PPL: variants seen among roughly 807,000 people sequenced by gnomAD.
The protein encoded by PPL is 190 kDa paraneoplastic pemphigus antigen.
PPL carries 198 observed loss-of-function variants against 194.4 expected under a neutral mutation model. The observed-to-expected ratio is 1.02, with a 90% CI of 0.91 to 1.15. The LOEUF (loss-of-function observed/expected upper bound fraction) is 1.15. Ranked by LOEUF, PPL falls within the 50% of genes most tolerant of loss-of-function variation. The pLI, the probability that PPL is intolerant of heterozygous loss-of-function variation, is 0.00. For synonymous variants in PPL, 1,220 were observed against 972.4 expected (o/e 1.25, Z -4.74); for missense variants, 2,885 against 2,294.8 (o/e 1.26, Z -5.25).
In PPL at chr16:4,892,069, G is replaced by A. The variant is rs759946475; in HGVS notation, c.1795C>T (p.His599Tyr). 1 of 1,613,782 alleles carries A rather than the reference G, an allele frequency of 6.2e-7. No homozygotes were observed. Among genetic ancestry groups the A allele is most frequent in the Non-Finnish European group, 8.5e-7 (1 of 1,179,992 alleles). The change falls in exon 15 of 22, where the codon CAC (histidine) becomes TAC (tyrosine). Residue 599 changes from histidine to tyrosine, a missense_variant. His to Tyr is a moderately conservative substitution (Grantham distance 83). Transcript: ENST00000345988. ...RVEDTNRKYE[H>Y]LLQLLDLAQE... ...GCCAAGTCCAGCAGCTGCAGGAGGTGCTCGTATTTCCGGTTGGTGTCCTCC... is the reference window on the plus strand; with the variant it reads ...GCCAAGTCCAGCAGCTGCAGGAGGTACTCGTATTTCCGGTTGGTGTCCTCC...
In PPL at chr16:4,885,355, C is replaced by G; in HGVS notation, c.3300G>C (p.Arg1100Ser). Reference sequence around the variant, plus strand: ...CGGCCATGGCCCGCTCCTTCTCTAGCCTCTTGAGCTTGTCCTGGAGGAAGC... The same window carrying G: ...CGGCCATGGCCCGCTCCTTCTCTAGGCTCTTGAGCTTGTCCTGGAGGAAGC... ...ELSFLQDKLK[R>S]LEKERAMAEG... The change falls in exon 22 of 22, where the codon AGG (arginine) becomes AGC (serine). Residue 1100 changes from arginine (R) to serine (S), a missense_variant. Coordinates refer to ENST00000345988, the MANE Select transcript of PPL (RefSeq NM_002705.5). This position sits in a 1 kb window ranked among gnomAD's most constrained non-coding sequence, Gnocchi z 6.3. The G allele has an allele frequency of 6.2e-7, 1 of 1,612,952 alleles. No individual in the cohort carries two copies. The highest frequency in any genetic ancestry group is 2.2e-5 in the East Asian group (1 of 44,846).
At chr16:4,918,359 G>A (rs996610296) in intron 1 of PPL, among the ~76,000 whole-genome samples, 2 of 151,898 alleles carry the variant, frequency 1.3e-5, no homozygotes, top group African/African-American at 4.8e-5. Flanking sequence ...CCTGAGTCAG[G>A]TCCTGCCTCT....
At chr16:4,898,955 G>T in intron 8 of PPL, 58 bp downstream of exon 8, 1 of 1,457,686 alleles carries the variant, frequency 6.9e-7, no homozygotes, top group Non-Finnish European at 9.6e-7. Flanking sequence ...GCGGCCCACA[G>T]GCAGCGGCCA....
At chr16:4,921,520 G>C (rs895132738) in intron 1 of PPL, among the ~76,000 whole-genome samples, 1 of 152,186 alleles carries the variant, frequency 6.6e-6, no homozygotes, top group Non-Finnish European at 1.5e-5. Context: ...AGGCTGGAGT[G>C]CAGTGGCATG....
chr16:4,904,127 C>T (rs1017108266), intron 2 of PPL, 87 bp from the exon 3 acceptor site: 11 of 1,391,386 alleles, frequency 7.9e-6, no homozygotes, highest in Non-Finnish European at 1.1e-5. Flanking sequence ...AAGGGGTCAG[C>T]AGGGTGCTCC....
intron 21 of PPL, among the ~76,000 whole-genome samples, chr16:4,886,749 G>T (rs1466660764): frequency 6.6e-6 from 1 of 152,184 alleles, no homozygotes; most frequent in African/African-American, 2.4e-5. Flanking sequence ...CTCCTGAGTA[G>T]CTGGGATTAC....
At chr16:4,904,766 A>G (rs981141721) in intron 2 of PPL, among the ~76,000 whole-genome samples, 2 of 152,084 alleles carry the variant, frequency 1.3e-5, no homozygotes, top group Non-Finnish European at 2.9e-5. Flanking sequence ...CTTAAAGGCG[A>G]TGCCTCCAGG....
chr16:4,884,986 G>T lies in PPL; in HGVS notation c.3669C>A (p.Gly1223=). The stretch of plus-strand genomic sequence containing the variant: ...TCACCTCTTTGACTTCCACCTGGGG[G>T]CCTCGCCTCCTGAGGGCCTCCAGCT... ...QSELEALRRR[G]PQVEVKEVTK... is the part of the protein sequence containing the mutation. Residue 1223 remains glycine (G), a synonymous_variant, in exon 22 of 22, where the codon GGC becomes GGA. Coordinates refer to ENST00000345988, the MANE Select transcript of PPL (RefSeq NM_002705.5). The surrounding 1 kb of genome is among the most constrained non-coding windows in gnomAD (Gnocchi z 5.7). 1 of 1,613,968 alleles carries T rather than the reference G, an allele frequency of 6.2e-7. No homozygotes were observed. The highest frequency in any genetic ancestry group is 8.5e-7 in the Non-Finnish European group (1 of 1,180,036).
chr16:4,920,643 A>G (rs1030176956), intron 1 of PPL, among the ~76,000 whole-genome samples: 25 of 152,058 alleles, frequency 1.6e-4, no homozygotes, highest in African/African-American at 4.8e-4. Flanking sequence ...TTGTATTTTT[A>G]GTAGAGACAG....
At chr16:4,932,411 C>CT (rs59920775) in intron 1 of PPL, among the ~76,000 whole-genome samples, 1,789 of 140,786 alleles carry the variant, frequency 0.013, 28 homozygotes, top group African/African-American at 0.032. Context: ...AGTCATGAAT[C>CT]TTTTTTTTTT....
At chr16:4,891,586 T>G in intron 16 of PPL, 1 of 526,446 alleles carries the variant, frequency 1.9e-6, no homozygotes, top group East Asian at 3.2e-5. Flanking sequence ...CTATTGCAGA[T>G]ATTTGATCTT....
chr16:4,904,497 C>A (rs61253344), intron 2 of PPL, among the ~76,000 whole-genome samples: 5,423 of 152,184 alleles, frequency 0.036, 310 homozygotes, highest in African/African-American at 0.12. Context: ...AACGAGGGGA[C>A]CTACTTCAGC....
In PPL at chr16:4,894,628, G is replaced by A. The variant is rs200358855; in HGVS notation, c.1243-10C>T. On this transcript the variant is annotated splice_polypyrimidine_tract_variant and intron_variant, in intron 11 of 21. Transcript: ENST00000345988. ...CCCGCGAGATCAGGCCCTGGCGGGGGCAGGCTGGACAGTCAGGATCCCGGC... is the reference window on the plus strand; with the variant it reads ...CCCGCGAGATCAGGCCCTGGCGGGGACAGGCTGGACAGTCAGGATCCCGGC... The A allele has an allele frequency of 3.2e-5, 51 of 1,611,366 alleles. 1 individual carries two copies. Among genetic ancestry groups the A allele is most frequent in the Admixed American group, 1.5e-4 (9 of 59,998 alleles).
chr16:4,933,715 T>G (rs1240661686), intron 1 of PPL, among the ~76,000 whole-genome samples: 1 of 152,100 alleles, frequency 6.6e-6, no homozygotes, highest in Non-Finnish European at 1.5e-5. Context: ...CTTAACTCCA[T>G]CTTATCTCTG....
chr16:4,896,639 G>GTTT (rs1387761941), intron 9 of PPL, among the ~76,000 whole-genome samples: 5,027 of 129,624 alleles, frequency 0.039, 344 homozygotes, highest in African/African-American at 0.14. Flanking sequence ...GTACGGGGTT[G>GTTT]TTTTTTTTTT....
rs147945479 is a variant in PPL at position 4,893,572 on chromosome 16, C to T, written c.1461G>A (p.Arg487=). The T allele has an allele frequency of 3.7e-6, 6 of 1,612,214 alleles. No individual in the cohort carries two copies. The highest frequency in any genetic ancestry group is 1.3e-5 in the African/African-American group (1 of 74,936). ...AAGSKRTLQQ[R]YEVLKTENPG... ...GATTCTCGGTCTTCAGCACCTCATA[C>T]CGCTGCTGCAGCGTGCGTTTGCTCC... Residue 487 remains arginine, a synonymous_variant, in exon 13 of 22, where the codon CGG becomes CGA. Transcript: ENST00000345988.
intron 2 of PPL, among the ~76,000 whole-genome samples, chr16:4,906,587 T>C (rs560078961): frequency 2.0e-5 from 3 of 152,332 alleles, no homozygotes; most frequent in African/African-American, 7.2e-5. Flanking sequence ...AGATCAAAGA[T>C]TAATTTTGCA....
chr16:4,888,324 G>A (rs2088252201), intron 19 of PPL, 106 bp from the exon 20 acceptor site: 5 of 757,052 alleles, frequency 6.6e-6, no homozygotes, highest in Non-Finnish European at 1.1e-5. Flanking sequence ...TGTGCCATGT[G>A]CTGGTTTTAT....
At position 4,887,196 on chromosome 16, in the gene PPL, A is replaced by G. The variant is rs763853514; in HGVS notation, c.2546T>C (p.Val849Ala). The change falls in exon 21 of 22, where the codon GTT (valine) becomes GCT (alanine). Residue 849 changes from valine to alanine, a missense_variant. Val to Ala is a moderately conservative substitution (Grantham distance 64). Transcript: ENST00000345988. Reference sequence around the variant, plus strand: ...CAGCCTCTGTCTGTTGATGGCATAAACTTCAGTGAACTTGGCGGCAAGTGC... The same window carrying G: ...CAGCCTCTGTCTGTTGATGGCATAAGCTTCAGTGAACTTGGCGGCAAGTGC... ...EAALAAKFTE[V>A]YAINRQRLQN... is the part of the protein sequence containing the mutation. The G allele has an allele frequency of 9.3e-6, 15 of 1,614,012 alleles. No individual in the cohort carries two copies. The East Asian group carries it at 2.9e-4, about 31-fold the overall frequency.
Sources: allele counts gnomAD v4.1 joint callset (sites outside exome capture counted in the v4.1 genomes callset), GRCh38; gene constraint gnomAD v4.1.1; non-coding constraint Gnocchi (gnomAD v3.1); transcripts MANE v1.5; gene names NCBI Gene and HGNC (gene_info 2026-07-23, HGNC 2026-07-21).